LRRFIP2: variants seen among roughly 807,000 people sequenced by gnomAD.
The protein encoded by LRRFIP2 is LRR binding FLII interacting protein 2, also known as leucine-rich repeat flightless-interacting protein 2.
In LRRFIP2, 109 loss-of-function variants were observed where a neutral mutation model predicts 125.9. That is an observed-to-expected ratio of 0.87 (90% CI 0.74 to 1.01). LRRFIP2 has a LOEUF of 1.01. LRRFIP2 is among the 50% of genes least tolerant of loss of function. The pLI is 0.00. For synonymous variants in LRRFIP2, 291 were observed against 293.1 expected, an observed-to-expected ratio of 0.99 and a Z score of 0.07; for missense variants, 850 against 862.3, an observed-to-expected ratio of 0.99 and a Z score of 0.18.
chr3:37,117,833 C>T (rs2094862307), intron 6 of LRRFIP2, among the ~76,000 whole-genome samples: 1 of 152,206 alleles, frequency 6.6e-6, no homozygotes, highest in South Asian at 2.1e-4. Context: ...CTGGGCTACA[C>T]ACCATAGTGT....
intron 4 of LRRFIP2, among the ~76,000 whole-genome samples, chr3:37,127,396 CTCTT>C (rs1174194918): frequency 1.3e-5 from 2 of 152,112 alleles, no homozygotes; most frequent in African/African-American, 4.8e-5. Context: ...CATTTTCTCA[CTCTT>C]TCTTGATCAG....
At chr3:37,080,240 T>C (rs1437876984) in intron 19 of LRRFIP2, among the ~76,000 whole-genome samples, 1 of 151,418 alleles carries the variant, frequency 6.6e-6, no homozygotes, top group African/African-American at 2.4e-5. Context: ...CTACTAAAAA[T>C]ACAAAATTAG....
intron 25 of LRRFIP2, 82 bp from the exon 26 acceptor site, chr3:37,055,247 G>A: frequency 3.8e-6 from 3 of 782,020 alleles, no homozygotes; most frequent in Non-Finnish European, 6.2e-6. Context: ...CTGTGGCACA[G>A]AGAGGACCAT....
chr3:37,108,564 CT>C, intron 12 of LRRFIP2, 72 bp downstream of exon 12: 1 of 1,278,658 alleles, frequency 7.8e-7, no homozygotes, highest in East Asian at 2.4e-5. Context: ...TAATTTTTGA[CT>C]TTTTCTTTGA....
rs943780967 is a variant in LRRFIP2, at chr3:37,126,362, G to A, written c.228+1268C>T. Among the ~76,000 whole-genome samples the A allele has an allele frequency of 3.3e-5, 5 of 152,256 alleles. No homozygotes were observed. In the South Asian group the frequency reaches 1.0e-3, roughly 32 times the overall value. On this transcript the variant is annotated intron_variant, in intron 4 of 27. Transcript: ENST00000336686. ...ATCAGTTTTAACAGGGTAAAAGCAA[G>A]TGTCAGAACGGGTTAGAAGTGATAA...
At chr3:37,059,120 A>C (rs937232685) in intron 24 of LRRFIP2, among the ~76,000 whole-genome samples, 2 of 152,228 alleles carry the variant, frequency 1.3e-5, no homozygotes, top group African/African-American at 4.8e-5. Flanking sequence ...AGCAAGCCCC[A>C]GGACCAGGTG....
chr3:37,143,318 A>C (rs1338901769), intron 2 of LRRFIP2, among the ~76,000 whole-genome samples: 1 of 152,222 alleles, frequency 6.6e-6, no homozygotes, highest in Non-Finnish European at 1.5e-5. Context: ...TCCATCTACA[A>C]CGGGCAGTCA....
chr3:37,095,600 A>G (rs533565591), intron 16 of LRRFIP2, among the ~76,000 whole-genome samples: 1 of 152,302 alleles, frequency 6.6e-6, no homozygotes, highest in East Asian at 1.9e-4. Context: ...TAGAAAAAAG[A>G]ATGAAATATA....
chr3:37,108,735 G>C, intron 11 of LRRFIP2, 51 bp from the exon 12 acceptor site: 1 of 1,466,828 alleles, frequency 6.8e-7, no homozygotes, highest in Non-Finnish European at 9.5e-7. Context: ...AGGTTGTTTT[G>C]AAAATGACTT....
intron 2 of LRRFIP2, among the ~76,000 whole-genome samples, chr3:37,130,293 T>C (rs1450720463): frequency 1.3e-5 from 2 of 152,238 alleles, no homozygotes; most frequent in African/African-American, 2.4e-5. Flanking sequence ...TGCCTTATAA[T>C]TTATCTTCTA....
At chr3:37,110,944 T>C (rs2094525766) in intron 9 of LRRFIP2, 47 bp downstream of exon 9, 2 of 1,551,126 alleles carry the variant, frequency 1.3e-6, no homozygotes, top group South Asian at 1.1e-5. Context: ...ATTAGAAATA[T>C]GTTAAAAGTG....
At chr3:37,173,241 G>A (rs1489076159) in intron 1 of LRRFIP2, among the ~76,000 whole-genome samples, 1 of 151,892 alleles carries the variant, frequency 6.6e-6, no homozygotes, top group South Asian at 2.1e-4. Flanking sequence ...CTTGAGACAG[G>A]GTCTCACCCT....
chr3:37,147,190 TA>T (rs2095876834), intron 2 of LRRFIP2, among the ~76,000 whole-genome samples: 1 of 152,084 alleles, frequency 6.6e-6, no homozygotes, highest in Non-Finnish European at 1.5e-5. Flanking sequence ...TGGTGATTAT[TA>T]AAAAGTCAAG....
intron 6 of LRRFIP2, among the ~76,000 whole-genome samples, chr3:37,118,725 A>G (rs867056319): frequency 6.6e-6 from 1 of 152,264 alleles, no homozygotes; most frequent in Admixed American, 6.5e-5. Flanking sequence ...AGAATGCAGC[A>G]TAAGACCATA....
chr3:37,151,702 A>G (rs1334718043), intron 1 of LRRFIP2, among the ~76,000 whole-genome samples: 1 of 151,848 alleles, frequency 6.6e-6, no homozygotes, highest in East Asian at 1.9e-4. Context: ...GGTTCAAGCA[A>G]TTCTCCTGCC....
chr3:37,058,938 A>G (rs757501974), intron 24 of LRRFIP2, 28 bp from the exon 25 acceptor site: 36 of 1,612,300 alleles, frequency 2.2e-5, no homozygotes, highest in Non-Finnish European at 5.9e-6. Flanking sequence ...GTTCATCAGC[A>G]AGATCCAATC....
intron 25 of LRRFIP2, among the ~76,000 whole-genome samples, chr3:37,058,085 C>G (rs2087440003): frequency 6.6e-6 from 1 of 152,170 alleles, no homozygotes; most frequent in African/African-American, 2.4e-5. Context: ...GTCCAATTAT[C>G]CAAGACAAAT....
intron 13 of LRRFIP2, among the ~76,000 whole-genome samples, chr3:37,106,209 G>T (rs1345009674): frequency 6.6e-6 from 1 of 152,176 alleles, no homozygotes; most frequent in Non-Finnish European, 1.5e-5. Context: ...GAAAATAAAA[G>T]AATATTTTAA....
chr3:37,161,981 G>A (rs764032472), intron 1 of LRRFIP2, among the ~76,000 whole-genome samples: 22 of 151,494 alleles, frequency 1.5e-4, no homozygotes, highest in Non-Finnish European at 2.7e-4. Context: ...TCAGGAGTTC[G>A]AGCCTGGACA....
Sources: allele counts gnomAD v4.1 joint callset (sites outside exome capture counted in the v4.1 genomes callset), GRCh38; gene constraint gnomAD v4.1.1; transcripts MANE v1.5; gene names NCBI Gene and HGNC (gene_info 2026-07-23, HGNC 2026-07-21).